SORBS2: variants seen among roughly 807,000 people sequenced by gnomAD.
SORBS2 encodes the protein sorbin and SH3 domain-containing protein 2.
A neutral mutation model predicts 97.7 loss-of-function variants in SORBS2; 46 were observed. That is an observed-to-expected ratio of 0.47 (90% CI 0.37 to 0.60). SORBS2 has a LOEUF of 0.60. SORBS2 is among the 20% of genes least tolerant of loss of function. The pLI, the probability that SORBS2 is intolerant of heterozygous loss-of-function variation, is 0.00. For missense variants in SORBS2, 1,316 were observed against 1,282.3 expected (o/e 1.03, Z -0.40); for synonymous variants, 476 against 473.4 (o/e 1.01, Z -0.07).
At chr4:185,679,968 T>C (rs147375902) in intron 2 of SORBS2, among the ~76,000 whole-genome samples, 8 of 152,248 alleles carry the variant, frequency 5.3e-5, no homozygotes, top group African/African-American at 7.2e-5. Flanking sequence ...CAGCACAGAG[T>C]ACATTAGAAT....
chr4:185,826,655 G>GA (rs1339722319), intron 1 of SORBS2, among the ~76,000 whole-genome samples: 6 of 151,950 alleles, frequency 3.9e-5, no homozygotes, highest in African/African-American at 1.5e-4. Flanking sequence ...GGGTCAGTAG[G>GA]AAAAAAATGG....
In SORBS2 at chr4:185,946,028, G is replaced by A. The variant is rs534868989; in HGVS notation, c.-338+10168C>T. On this transcript the variant is annotated intron_variant, in intron 1 of 20. Transcript: ENST00000284776. ...CATGAGCAAAGCTGGACCTTCTTCT[G>A]AGAATAAAGGGCTATCTTTAAAAAG... 2.6e-5 allele frequency among the ~76,000 whole-genome samples: 4 copies of A among 152,318 alleles called. No homozygotes were observed. The South Asian group carries it at 8.3e-4, about 32-fold the overall frequency.
chr4:185,835,067 C>G (rs375525762), intron 1 of SORBS2, among the ~76,000 whole-genome samples: 28 of 152,148 alleles, frequency 1.8e-4, no homozygotes, highest in African/African-American at 2.7e-4. Context: ...GCAGCTCCCC[C>G]CAATCTCTCC....
At chr4:185,657,330 A>G (rs1363818310), upstream of SORBS2, 7 of 1,197,616 alleles carry the variant, frequency 5.8e-6, no homozygotes, top group Non-Finnish European at 6.7e-6. Flanking sequence ...TCCTCCTTAT[A>G]TAAGACCCTA....
Position 185,606,711 on chromosome 4 carries a change from G to C in SORBS2, c.2796+5069C>G. The C allele has an allele frequency of 1.0e-6, 1 of 985,174 alleles. No homozygotes were observed. The highest frequency in any genetic ancestry group is 1.2e-6 in the Non-Finnish European group (1 of 829,896). 61.0% of individuals were successfully genotyped at this position (985,174 alleles called of 1,614,324 possible). A position where few individuals can be genotyped will look rare whatever the true frequency, so the allele number is the denominator to read the frequency against. On this transcript the variant is annotated intron_variant, in intron 12 of 14. Coordinates refer to ENST00000418609, the Ensembl canonical transcript of SORBS2. This position sits in a 1 kb window ranked among gnomAD's most constrained non-coding sequence, Gnocchi z 4.3. ...CCTCCTCTTCAATGTGCAGGTGTGG[G>C]GTGCCCTCTGACCCATCGTGGCCAC...
intron 2 of SORBS2, among the ~76,000 whole-genome samples, chr4:185,695,516 T>A (rs980837002): frequency 1.3e-5 from 2 of 151,754 alleles, no homozygotes; most frequent in South Asian, 2.1e-4. Flanking sequence ...TTTTTTTTTT[T>A]AAAGAGATGT....
chr4:185,792,082 T>C (rs2099082605), intron 1 of SORBS2, among the ~76,000 whole-genome samples: 1 of 152,258 alleles, frequency 6.6e-6, no homozygotes, highest in Non-Finnish European at 1.5e-5. Context: ...TTGTTTTCTA[T>C]TGCTTAGTCT....
chr4:185,899,738 G>T (rs1043204948), intron 1 of SORBS2, among the ~76,000 whole-genome samples: 4 of 152,204 alleles, frequency 2.6e-5, no homozygotes, highest in Non-Finnish European at 4.4e-5. Flanking sequence ...ACTTGTGTTT[G>T]GGGGAGCCAA....
At chr4:185,892,870 ACACT>A (rs2099243170) in intron 1 of SORBS2, among the ~76,000 whole-genome samples, 1 of 152,208 alleles carries the variant, frequency 6.6e-6, no homozygotes, top group Admixed American at 6.5e-5. Flanking sequence ...GAATGTGAAT[ACACT>A]TAAGGCCTTA....
At chr4:185,720,674 G>A (rs2098505765) in intron 2 of SORBS2, among the ~76,000 whole-genome samples, 1 of 152,198 alleles carries the variant, frequency 6.6e-6, no homozygotes, top group Non-Finnish European at 1.5e-5. Flanking sequence ...TGTGCCAGGT[G>A]CTAGAAAACA....
intron 1 of SORBS2, among the ~76,000 whole-genome samples, chr4:185,845,799 T>C (rs561611259): frequency 6.6e-6 from 1 of 152,200 alleles, no homozygotes; most frequent in Non-Finnish European, 1.5e-5. Context: ...GATCTAAATA[T>C]GGACATGATA....
upstream of SORBS2, chr4:185,657,615 A>C: frequency 1.3e-6 from 2 of 1,586,308 alleles, no homozygotes; most frequent in Non-Finnish European, 1.7e-6. Context: ...AAAATTTGGT[A>C]ACATGGAACG....
chr4:185,915,159 C>T (rs1035135895), intron 1 of SORBS2, among the ~76,000 whole-genome samples: 1 of 152,166 alleles, frequency 6.6e-6, no homozygotes, highest in Non-Finnish European at 1.5e-5. Flanking sequence ...CTTTTTTCGG[C>T]CTTTATACTG....
intron 1 of SORBS2, among the ~76,000 whole-genome samples, chr4:185,931,857 G>A (rs1331228936): frequency 2.0e-5 from 3 of 151,620 alleles, no homozygotes; most frequent in African/African-American, 7.3e-5. Context: ...AAGATAACAA[G>A]GACATGTAAG....
At chr4:185,639,130 G>T in intron 4 of SORBS2, 95 bp from the exon 14 acceptor site, 1 of 1,178,240 alleles carries the variant, frequency 8.5e-7, no homozygotes, top group Non-Finnish European at 1.2e-6. Flanking sequence ...CCTGCGTTAG[G>T]CCGGGAGGGG....
chr4:185,781,030 T>G (rs1404064502), intron 1 of SORBS2, among the ~76,000 whole-genome samples: 1 of 152,132 alleles, frequency 6.6e-6, no homozygotes, highest in African/African-American at 2.4e-5. Context: ...CTCCACCTCC[T>G]GGGTTCAAGC....
At chr4:185,609,689 A>C (rs1332155332) in intron 12 of SORBS2, among the ~76,000 whole-genome samples, 1 of 152,246 alleles carries the variant, frequency 6.6e-6, no homozygotes, top group Non-Finnish European at 1.5e-5. Flanking sequence ...AGTCTCCCCT[A>C]AGACAAAGAC....
intron 12 of SORBS2, among the ~76,000 whole-genome samples, chr4:185,610,835 A>AT (rs1561391707): frequency 6.6e-6 from 1 of 152,146 alleles, no homozygotes; most frequent in Non-Finnish European, 1.5e-5. Context: ...AACTTAATAC[A>AT]TTTTTTGAAT....
chr4:185,931,202 G>C (rs1233022628), intron 1 of SORBS2, among the ~76,000 whole-genome samples: 3 of 152,130 alleles, frequency 2.0e-5, no homozygotes, highest in Non-Finnish European at 4.4e-5. Context: ...GAGGGTATGG[G>C]GGAAAATGAG....
Sources: allele counts gnomAD v4.1 joint callset (sites outside exome capture counted in the v4.1 genomes callset), GRCh38; gene constraint gnomAD v4.1.1; non-coding constraint Gnocchi (gnomAD v3.1); transcripts MANE v1.5; gene names NCBI Gene and HGNC (gene_info 2026-07-23, HGNC 2026-07-21).